Variants in EPM2A observed in about 807,000 individuals in gnomAD.
EPM2A encodes the protein laforin.
In EPM2A, 21 loss-of-function variants were observed where a neutral mutation model predicts 26.5. That is an observed-to-expected ratio of 0.79 (90% CI 0.56 to 1.14). The LOEUF (loss-of-function observed/expected upper bound fraction) is 1.14, where lower values mean the gene tolerates loss of function less well. Ranked by LOEUF, EPM2A falls within the 50% of genes most tolerant of loss-of-function variation. The pLI is 0.00. For missense variants in EPM2A, 458 were observed against 440.8 expected, an observed-to-expected ratio of 1.04 and a Z score of -0.35; for synonymous variants, 217 against 177.6, an observed-to-expected ratio of 1.22 and a Z score of -1.76.
chr6:145,701,304 G>A (rs1481522871), intron 1 of EPM2A, among the ~76,000 whole-genome samples: 1 of 152,174 alleles, frequency 6.6e-6, no homozygotes, highest in Admixed American at 6.5e-5. Context: ...AACTAGAGGT[G>A]AGAAGCCAGG....
intron 1 of EPM2A, chr6:145,706,018 C>T (rs1259608986): frequency 2.2e-6 from 1 of 447,194 alleles, no homozygotes; most frequent in African/African-American, 2.0e-5. Flanking sequence ...GCATAGAAGG[C>T]TGGAAGACTT....
chr6:145,446,222 C>T (rs1196124564), intron 4 of EPM2A, among the ~76,000 whole-genome samples: 3 of 151,872 alleles, frequency 2.0e-5, no homozygotes, highest in African/African-American at 7.2e-5. Context: ...TGACCTCTTC[C>T]CAAATTCCTG....
chr6:145,691,619 C>G (rs9390344), intron 1 of EPM2A, among the ~76,000 whole-genome samples: 77,430 of 151,694 alleles, frequency 0.51, 20,363 homozygotes, highest in East Asian at 0.67. Flanking sequence ...ATATTTAAGG[C>G]AATTATATTG....
At chr6:145,406,503 A>T (rs1005969002) in intron 4 of EPM2A, among the ~76,000 whole-genome samples, 1 of 152,156 alleles carries the variant, frequency 6.6e-6, no homozygotes, top group Non-Finnish European at 1.5e-5. Flanking sequence ...ATGTCTGATA[A>T]GGCACTCTGG....
At chr6:145,403,973 G>A (rs999700182) in intron 4 of EPM2A, among the ~76,000 whole-genome samples, 10 of 152,126 alleles carry the variant, frequency 6.6e-5, no homozygotes, top group African/African-American at 2.2e-4. Context: ...GGGGTGAGAC[G>A]ATAGTGCATT....
chr6:145,459,053 C>G (rs1211902629), intron 4 of EPM2A, among the ~76,000 whole-genome samples: 6 of 152,080 alleles, frequency 3.9e-5, no homozygotes, highest in Non-Finnish European at 2.9e-5. Context: ...AAATTCATGT[C>G]ACAGAAAAAT....
intron 4 of EPM2A, among the ~76,000 whole-genome samples, chr6:145,467,185 T>C (rs1244593223): frequency 6.6e-6 from 1 of 152,020 alleles, no homozygotes; most frequent in Non-Finnish European, 1.5e-5. Flanking sequence ...AAATATTCTC[T>C]TTATTTTCTA....
chr6:145,555,872 T>G (rs1780722065), intron 2 of EPM2A, among the ~76,000 whole-genome samples: 1 of 152,102 alleles, frequency 6.6e-6, no homozygotes, highest in Non-Finnish European at 1.5e-5. Flanking sequence ...CATAAGTAGT[T>G]CCCTGACCTT....
intron 3 of EPM2A, chr6:145,629,190 G>A (rs183055581): frequency 1.3e-5 from 2 of 152,580 alleles, no homozygotes; most frequent in Admixed American, 1.3e-4. Context: ...CACGGTTTCA[G>A]TTCCTTGAGC....
At chr6:145,735,668 C>T, upstream of EPM2A, 1 of 1,075,970 alleles carries the variant, frequency 9.3e-7, no homozygotes, top group Non-Finnish European at 1.1e-6. Context: ...GGCTCCCGAG[C>T]CCAGACTTCG....
intron 2 of EPM2A, among the ~76,000 whole-genome samples, chr6:145,517,817 G>A (rs1412198357): frequency 6.6e-6 from 1 of 152,044 alleles, no homozygotes; most frequent in African/African-American, 2.4e-5. Flanking sequence ...TGGAATTATG[G>A]TGAATTATCA....
intron 2 of EPM2A, among the ~76,000 whole-genome samples, chr6:145,595,786 C>T (rs898644478): frequency 6.6e-6 from 1 of 151,982 alleles, no homozygotes; most frequent in Non-Finnish European, 1.5e-5. Flanking sequence ...AATAACATGC[C>T]TTCTTTTACA....
intron 2 of EPM2A, among the ~76,000 whole-genome samples, chr6:145,597,517 A>G (rs1781363761): frequency 6.7e-6 from 1 of 149,070 alleles, no homozygotes; most frequent in Admixed American, 6.7e-5. Context: ...AATCATGATT[A>G]AAGGTTGTGA....
chr6:145,710,166 C>T (rs1373924635), intron 1 of EPM2A, among the ~76,000 whole-genome samples: 2 of 152,086 alleles, frequency 1.3e-5, no homozygotes, highest in Admixed American at 1.3e-4. Flanking sequence ...AAACTACCAT[C>T]AGAGTGAACA....
chr6:145,616,548 C>G (rs1296167520), intron 2 of EPM2A, among the ~76,000 whole-genome samples: 1 of 152,176 alleles, frequency 6.6e-6, no homozygotes, highest in African/African-American at 2.4e-5. Context: ...TCCTCCAGAC[C>G]CCAGAATGGT....
intron 4 of EPM2A, among the ~76,000 whole-genome samples, chr6:145,414,615 C>G (rs948119326): frequency 2.6e-5 from 4 of 152,018 alleles, no homozygotes; most frequent in Admixed American, 2.0e-4. Flanking sequence ...TCCTTTGAGT[C>G]TTCAGGCAAA....
intron 4 of EPM2A, among the ~76,000 whole-genome samples, chr6:145,424,651 T>C (rs916138164): frequency 2.6e-5 from 4 of 152,110 alleles, no homozygotes; most frequent in Non-Finnish European, 4.4e-5. Flanking sequence ...TGGGATGGTA[T>C]TAGGAGGTGG....
At chr6:145,674,326 T>C (rs959685096) in intron 2 of EPM2A, among the ~76,000 whole-genome samples, 2 of 151,992 alleles carry the variant, frequency 1.3e-5, no homozygotes, top group African/African-American at 4.8e-5. Flanking sequence ...ACCACAAAGA[T>C]AGAGAGAAAC....
At chr6:145,676,703 C>T (rs780075837) in intron 2 of EPM2A, among the ~76,000 whole-genome samples, 3 of 152,244 alleles carry the variant, frequency 2.0e-5, no homozygotes, top group African/African-American at 7.2e-5. Context: ...TTTCTGGACA[C>T]ATACACCCTC....
Sources: gnomAD v4.1 joint callset for allele counts (sites outside exome capture counted in the v4.1 genomes callset) on GRCh38, gnomAD v4.1.1 for gene constraint, MANE v1.5 for transcripts, NCBI Gene and HGNC (gene_info 2026-07-23, HGNC 2026-07-21) for gene names.